GPR158: variants seen among roughly 807,000 people sequenced by gnomAD.
The protein encoded by GPR158 is metabotropic glycine receptor.
Under a neutral mutation model 78.2 loss-of-function variants are expected in GPR158, and 30 were observed. That is an observed-to-expected ratio of 0.38 (90% CI 0.29 to 0.52). The LOEUF (loss-of-function observed/expected upper bound fraction) is 0.52. Among genes scored for constraint, GPR158 ranks in the 20% least tolerant of loss-of-function variants. GPR158 has a pLI of 0.83. For missense variants in GPR158, 1,463 were observed against 1,523.5 expected, an observed-to-expected ratio of 0.96 and a Z score of 0.66; for synonymous variants, 581 against 591.1, an observed-to-expected ratio of 0.98 and a Z score of 0.25.
At chr10:25,402,155 T>G (rs1469020629) in intron 3 of GPR158, among the ~76,000 whole-genome samples, 1 of 152,132 alleles carries the variant, frequency 6.6e-6, no homozygotes, top group Admixed American at 6.6e-5. Context: ...AGCATTATTT[T>G]TATCGTGTTC....
chr10:25,466,784 G>C, intron 5 of GPR158, 65 bp downstream of exon 5: 1 of 803,998 alleles, frequency 1.2e-6, no homozygotes, highest in Non-Finnish European at 2.0e-6. Flanking sequence ...TAAAGTTACT[G>C]TTTACACACA....
chr10:25,495,453 C>A (rs529143880), intron 5 of GPR158, among the ~76,000 whole-genome samples: 1 of 151,484 alleles, frequency 6.6e-6, no homozygotes, highest in Non-Finnish European at 1.5e-5. Context: ...CCATCACGCC[C>A]GGCCAATTTT....
intron 5 of GPR158, among the ~76,000 whole-genome samples, chr10:25,509,873 C>A (rs536647049): frequency 6.6e-6 from 1 of 152,242 alleles, no homozygotes; most frequent in African/African-American, 2.4e-5. Context: ...GCCACTGCAC[C>A]TGGCTAATTT....
At chr10:25,417,852 T>C (rs942546466) in intron 4 of GPR158, among the ~76,000 whole-genome samples, 6 of 152,274 alleles carry the variant, frequency 3.9e-5, no homozygotes, top group Middle Eastern at 3.4e-3. Context: ...TTTCTCTGCT[T>C]CCTCTTTTGC....
At chr10:25,474,409 TC>T (rs2130627878) in intron 5 of GPR158, among the ~76,000 whole-genome samples, 1 of 152,196 alleles carries the variant, frequency 6.6e-6, no homozygotes, top group East Asian at 1.9e-4. Flanking sequence ...CTTCCTCTTT[TC>T]CTTTTCCTCA....
intron 2 of GPR158, among the ~76,000 whole-genome samples, chr10:25,319,707 C>G (rs975671431): frequency 6.6e-6 from 1 of 151,974 alleles, no homozygotes; most frequent in Non-Finnish European, 1.5e-5. Context: ...CTAATCACAT[C>G]GGCGACATCG....
intron 2 of GPR158, among the ~76,000 whole-genome samples, chr10:25,241,523 C>A (rs1405839498): frequency 6.6e-6 from 1 of 151,304 alleles, no homozygotes; most frequent in Non-Finnish European, 1.5e-5. Context: ...TGGGTTCAAG[C>A]GATTTTCCTG....
chr10:25,233,110 T>C (rs1334566608), intron 2 of GPR158, among the ~76,000 whole-genome samples: 2 of 152,218 alleles, frequency 1.3e-5, no homozygotes, highest in Non-Finnish European at 2.9e-5. Context: ...GGGATAAACA[T>C]GCTCAGAGGG....
At chr10:25,381,637 G>A (rs1224518762) in intron 2 of GPR158, among the ~76,000 whole-genome samples, 1 of 152,156 alleles carries the variant, frequency 6.6e-6, no homozygotes, top group African/African-American at 2.4e-5. Flanking sequence ...GGAGCATATG[G>A]GTGTAGGTTT....
At chr10:25,214,981 G>A (rs535278591) in intron 1 of GPR158, among the ~76,000 whole-genome samples, 3 of 152,256 alleles carry the variant, frequency 2.0e-5, no homozygotes, top group African/African-American at 7.2e-5. Flanking sequence ...TTATTTGCTT[G>A]TTGTGTTCCC....
intron 2 of GPR158, among the ~76,000 whole-genome samples, chr10:25,269,468 C>T (rs1854087587): frequency 6.6e-6 from 1 of 152,082 alleles, no homozygotes; most frequent in South Asian, 2.1e-4. Context: ...TCAGTTATAT[C>T]CCTCCCCCAA....
chr10:25,529,420 T>G (rs957407650), intron 5 of GPR158, among the ~76,000 whole-genome samples: 2 of 151,986 alleles, frequency 1.3e-5, no homozygotes, highest in Admixed American at 1.3e-4. Context: ...TACAAATCAA[T>G]GGACATAAAA....
chr10:25,176,368 C>T lies in GPR158; in HGVS notation c.902+46C>T. On this transcript the variant is annotated intron_variant, in intron 1 of 10. Coordinates refer to ENST00000376351, the MANE Select transcript of GPR158 (RefSeq NM_020752.3). This position sits in a 1 kb window ranked among gnomAD's most constrained non-coding sequence, Gnocchi z 6.3. ...GGGGGGAAGGCAAAAGCGAAGCTTTCCTTCCGGTCTTGTGGGTGGGTGCAC... is the reference window on the plus strand; with the variant it reads ...GGGGGGAAGGCAAAAGCGAAGCTTTTCTTCCGGTCTTGTGGGTGGGTGCAC... The T allele has an allele frequency of 7.0e-7, 1 of 1,433,050 alleles. No individual in the cohort carries two copies. The highest frequency in any genetic ancestry group is 9.4e-7 in the Non-Finnish European group (1 of 1,061,894). The allele number at this position is 1,433,050 out of a possible 1,614,324, so 88.8% of individuals were successfully genotyped here.
intron 5 of GPR158, among the ~76,000 whole-genome samples, chr10:25,533,791 T>C (rs927470694): frequency 1.3e-5 from 2 of 151,992 alleles, no homozygotes; most frequent in African/African-American, 4.8e-5. Flanking sequence ...TTTGTAAAGG[T>C]AAGGTGTATT....
At chr10:25,396,408 C>T (rs1382712244) in intron 3 of GPR158, among the ~76,000 whole-genome samples, 1 of 152,124 alleles carries the variant, frequency 6.6e-6, no homozygotes, top group Non-Finnish European at 1.5e-5. Flanking sequence ...AAGTGAGCAG[C>T]TTAAAGCAGC....
At chr10:25,548,697 G>C (rs554410036) in intron 5 of GPR158, among the ~76,000 whole-genome samples, 4 of 152,264 alleles carry the variant, frequency 2.6e-5, no homozygotes, top group African/African-American at 9.6e-5. Flanking sequence ...CCTACCACCA[G>C]CTTTGCCTGA....
intron 3 of GPR158, among the ~76,000 whole-genome samples, chr10:25,404,616 A>G (rs1015321499): frequency 8.5e-5 from 13 of 152,068 alleles, no homozygotes; most frequent in Admixed American, 3.9e-4. Context: ...GGCTTTTTCT[A>G]TGTCCTGCAT....
rs144898061 is a variant in GPR158 at position 25,366,453 on chromosome 10, A to G, written c.1009-29458A>G. Among the ~76,000 whole-genome samples, 576 of 151,780 alleles carry G rather than the reference A, an allele frequency of 3.8e-3. 5 individuals carry two copies. The highest frequency in any genetic ancestry group is 0.013 in the African/African-American group (538 of 41,506). ...AGTTTTTAAACTTTAACAAATAAAA[A>G]TTATATGTATTTATGGTTTACAACA... On this transcript the variant is annotated intron_variant, in intron 2 of 10. Coordinates refer to ENST00000376351, the MANE Select transcript of GPR158 (RefSeq NM_020752.3).
In GPR158 at chr10:25,459,851, G is replaced by T. The variant is rs553012054; in HGVS notation, c.1336-6800G>T. 4.6e-5 allele frequency among the ~76,000 whole-genome samples: 7 copies of T among 152,244 alleles called. No individual in the cohort carries two copies. The East Asian group carries it at 7.7e-4, about 17-fold the overall frequency. ...ATTTGACATATTTTTTTGTCTATGG[G>T]TTTGATATCTGGCTGTTATAAACCT... On this transcript the variant is annotated intron_variant, in intron 4 of 10. Coordinates refer to ENST00000376351, the MANE Select transcript of GPR158 (RefSeq NM_020752.3).
Sources: gnomAD v4.1 joint callset for allele counts (sites outside exome capture counted in the v4.1 genomes callset) on GRCh38, gnomAD v4.1.1 for gene constraint, Gnocchi (gnomAD v3.1) non-coding constraint, MANE v1.5 for transcripts, NCBI Gene and HGNC (gene_info 2026-07-23, HGNC 2026-07-21) for gene names.